Variants in GNAL observed in about 807,000 individuals in gnomAD.
The protein encoded by GNAL is G protein subunit alpha L, also known as guanine nucleotide-binding protein G(olf) subunit alpha.
In GNAL, 18 loss-of-function variants were observed where a neutral mutation model predicts 55.1. The ratio of observed to expected loss-of-function variants is 0.33; its 90% CI spans 0.23 to 0.48. The LOEUF (loss-of-function observed/expected upper bound fraction) is 0.48, where lower values mean the gene tolerates loss of function less well. Ranked by LOEUF, GNAL falls within the 20% of genes least tolerant of loss-of-function variation. The pLI is 0.99. For synonymous variants in GNAL, 253 were observed against 237.0 expected (o/e 1.07, Z -0.62); for missense variants, 412 against 614.1 (o/e 0.67, Z 3.48).
intron 1 of GNAL, among the ~76,000 whole-genome samples, chr18:11,690,956 G>A (rs1418215699): frequency 6.7e-6 from 1 of 148,432 alleles, no homozygotes; most frequent in Non-Finnish European, 1.5e-5. Context: ...ATGATTTATA[G>A]TCCTTTGGGT....
intron 4 of GNAL, among the ~76,000 whole-genome samples, chr18:11,765,001 GCA>G (rs1379260488): frequency 6.6e-6 from 1 of 152,120 alleles, no homozygotes; most frequent in Non-Finnish European, 1.5e-5. Flanking sequence ...ATGGTTAACA[GCA>G]CAGGCTGCCC....
intron 1 of GNAL, among the ~76,000 whole-genome samples, chr18:11,703,795 G>GCACACACA (rs35455680): frequency 0.017 from 2,403 of 141,458 alleles, 37 homozygotes; most frequent in African/African-American, 0.04. Context: ...GTGTTGATGG[G>GCACACACA]CACACACACA....
At chr18:11,774,567 C>T (rs2033725566) in intron 4 of GNAL, among the ~76,000 whole-genome samples, 1 of 152,160 alleles carries the variant, frequency 6.6e-6, no homozygotes, top group Admixed American at 6.5e-5. Flanking sequence ...TGTATAACTG[C>T]AGCAATCTTA....
chr18:11,706,385 T>C (rs1257218984), intron 1 of GNAL, among the ~76,000 whole-genome samples: 1 of 152,206 alleles, frequency 6.6e-6, no homozygotes, highest in Admixed American at 6.5e-5. Flanking sequence ...CATCTGAGCC[T>C]TCAGTGAGTC....
At chr18:11,793,793 C>T (rs879295613) in intron 4 of GNAL, among the ~76,000 whole-genome samples, 4 of 150,136 alleles carry the variant, frequency 2.7e-5, no homozygotes, top group Non-Finnish European at 4.4e-5. Context: ...CGTGGTGGCA[C>T]GTGCCTGTGA....
At chr18:11,797,147 G>A (rs1205590755) in intron 4 of GNAL, among the ~76,000 whole-genome samples, 1 of 152,150 alleles carries the variant, frequency 6.6e-6, no homozygotes, top group African/African-American at 2.4e-5. Flanking sequence ...GGCCAGGCTG[G>A]TCTCAAACTC....
intron 1 of GNAL, among the ~76,000 whole-genome samples, chr18:11,727,297 TTTCCC>T (rs1266759237): frequency 2.0e-5 from 3 of 152,240 alleles, no homozygotes; most frequent in African/African-American, 7.2e-5. Flanking sequence ...GTCCCCACAC[TTTCCC>T]ACCTGCCTTG....
chr18:11,807,548 G>A lies in GNAL; in HGVS notation c.625-17370G>A, dbSNP rs116321592. On this transcript the variant is annotated intron_variant, in intron 4 of 11. Coordinates refer to ENST00000334049, the MANE Select transcript of GNAL (RefSeq NM_182978.4). ...TGGGGGGAAACCGCAGGTGGAGCAG[G>A]TTTGGGGAGGAAGATTAAGAGTTCT... Among the ~76,000 whole-genome samples, 460 of 152,372 alleles carry A rather than the reference G, an allele frequency of 3.0e-3. 1 individual carries two copies. The highest frequency in any genetic ancestry group is 0.011 in the African/African-American group (454 of 41,598).
At chr18:11,707,443 C>T (rs140206059) in intron 1 of GNAL, among the ~76,000 whole-genome samples, 62 of 152,226 alleles carry the variant, frequency 4.1e-4, no homozygotes, top group African/African-American at 1.3e-3. Context: ...CCGAGCAATA[C>T]GTCCCAACAG....
intron 5 of GNAL, among the ~76,000 whole-genome samples, chr18:11,861,217 C>G (rs1262942009): frequency 6.6e-6 from 1 of 152,180 alleles, no homozygotes; most frequent in East Asian, 1.9e-4. Context: ...TCAACGCCAG[C>G]ACCAACAGAG....
At chr18:11,733,207 G>C (rs1422934753) in intron 1 of GNAL, among the ~76,000 whole-genome samples, 2 of 152,222 alleles carry the variant, frequency 1.3e-5, no homozygotes, top group Non-Finnish European at 2.9e-5. Flanking sequence ...GCCCGGGCGC[G>C]GGGAGCCGTC....
intron 4 of GNAL, among the ~76,000 whole-genome samples, chr18:11,766,131 T>C (rs2033399293): frequency 6.6e-6 from 1 of 152,234 alleles, no homozygotes; most frequent in African/African-American, 2.4e-5. Context: ...ACGTGTGGTT[T>C]GTGAGAAAAG....
At chr18:11,699,305 T>G (rs943995336) in intron 1 of GNAL, among the ~76,000 whole-genome samples, 3 of 151,934 alleles carry the variant, frequency 2.0e-5, no homozygotes, top group Non-Finnish European at 4.4e-5. Context: ...AGCGATTCTC[T>G]TGCCTCAGCC....
At chr18:11,814,429 G>A (rs1458924016) in intron 4 of GNAL, among the ~76,000 whole-genome samples, 2 of 152,100 alleles carry the variant, frequency 1.3e-5, no homozygotes, top group African/African-American at 4.8e-5. Context: ...TTGGGAGGCT[G>A]AGGCAGGGGA....
chr18:11,820,796 C>T (rs559432653), intron 4 of GNAL, among the ~76,000 whole-genome samples: 64 of 152,184 alleles, frequency 4.2e-4, no homozygotes, highest in Non-Finnish European at 7.1e-4. Context: ...AACATGTTTA[C>T]CCATGAGGAA....
rs373773851 is a variant in GNAL at position 11,828,441 on chromosome 18, G to A, written c.722+3426G>A. Among the ~76,000 whole-genome samples the A allele has an allele frequency of 1.5e-4, 23 of 152,218 alleles. No homozygotes were observed. The East Asian group carries it at 2.3e-3, about 15-fold the overall frequency. Reference sequence around the variant, plus strand: ...CACAATAGAATTATGTTAAACTCACGTGCTTTAGAGGTGGGAAGAATATAC... The same window carrying A: ...CACAATAGAATTATGTTAAACTCACATGCTTTAGAGGTGGGAAGAATATAC... On this transcript the variant is annotated intron_variant, in intron 5 of 11. Transcript: ENST00000334049.
chr18:11,874,194 A>G (rs557389141), intron 10 of GNAL: 1 of 152,406 alleles, frequency 6.6e-6, no homozygotes, highest in Admixed American at 6.5e-5. Flanking sequence ...TTCACCCAGC[A>G]GCATGCGTCA....
chr18:11,859,538 G>C (rs2036083261), intron 5 of GNAL, among the ~76,000 whole-genome samples: 1 of 152,086 alleles, frequency 6.6e-6, no homozygotes, highest in Non-Finnish European at 1.5e-5. Context: ...AGTCTCTCCA[G>C]CTCCCAGAGG....
At chr18:11,861,147 C>G (rs901441997) in intron 5 of GNAL, among the ~76,000 whole-genome samples, 18 of 152,186 alleles carry the variant, frequency 1.2e-4, no homozygotes, top group African/African-American at 4.3e-4. Flanking sequence ...GCATGGCAGG[C>G]AGGGAGCCAG....
Sources: allele counts gnomAD v4.1 joint callset (sites outside exome capture counted in the v4.1 genomes callset), GRCh38; gene constraint gnomAD v4.1.1; transcripts MANE v1.5; gene names NCBI Gene and HGNC (gene_info 2026-07-23, HGNC 2026-07-21).